Variants in RPP30 observed in about 807,000 individuals in gnomAD.
RPP30 encodes the protein ribonuclease P protein subunit p30.
A neutral mutation model predicts 38.6 loss-of-function variants in RPP30; 36 were observed. The ratio of observed to expected loss-of-function variants is 0.93; its 90% CI spans 0.71 to 1.23. RPP30 has a LOEUF of 1.23. RPP30 is among the 50% of genes most tolerant of loss of function. RPP30 has a pLI of 0.00. For missense variants in RPP30, 321 were observed against 321.7 expected, an observed-to-expected ratio of 1.00 and a Z score of 0.02; for synonymous variants, 126 against 112.7, an observed-to-expected ratio of 1.12 and a Z score of -0.75.
chr10:90,879,224 A>G, intron 5 of RPP30, 90 bp downstream of exon 5: 2 of 981,572 alleles, frequency 2.0e-6, no homozygotes, highest in South Asian at 3.0e-5. Context: ...GTTTTGACTC[A>G]TCTGGAAACT....
chr10:90,891,252 A>C (rs1847078487), intron 6 of RPP30, among the ~76,000 whole-genome samples: 1 of 152,096 alleles, frequency 6.6e-6, no homozygotes, highest in Non-Finnish European at 1.5e-5. Context: ...TTTTCTGGCA[A>C]TCTTTGGTAA....
At chr10:90,884,740 T>G (rs1485706888) in intron 5 of RPP30, among the ~76,000 whole-genome samples, 2 of 152,168 alleles carry the variant, frequency 1.3e-5, no homozygotes, top group Non-Finnish European at 2.9e-5. Flanking sequence ...AGATACGGTA[T>G]TCCTGTCATT....
At position 90,900,639 on chromosome 10, in the gene RPP30, A is replaced by T. The variant is rs777173529; in HGVS notation, c.767A>T (p.Asp256Val). Residue 256 changes from aspartate (D) to valine (V), a missense_variant, in exon 11 of 11, where the codon GAT becomes GTT. Asp to Val is a radical substitution (Grantham distance 152). Transcript: ENST00000371703. ...KKPRPSEGDE[D>V]CLPASKKAKC... ...CCTCGGCCATCAGAAGGAGATGAAG[A>T]TTGTCTTCCAGCTTCCAAGAAAGCC... 1 of 1,613,698 alleles carries T rather than the reference A, an allele frequency of 6.2e-7. No homozygotes were observed. The highest frequency in any genetic ancestry group is 8.5e-7 in the Non-Finnish European group (1 of 1,179,794).
intron 6 of RPP30, among the ~76,000 whole-genome samples, chr10:90,892,147 T>C (rs564862386): frequency 6.6e-6 from 1 of 152,226 alleles, no homozygotes; most frequent in African/African-American, 2.4e-5. Context: ...AATGTGATCA[T>C]CCACCCATGC....
intron 7 of RPP30, 33 bp downstream of exon 7, chr10:90,894,924 A>T (rs1847123012): frequency 7.0e-7 from 1 of 1,423,652 alleles, no homozygotes; most frequent in Non-Finnish European, 9.9e-7. Flanking sequence ...TGTTTTTCGC[A>T]TCTGGCAGTT....
chr10:90,894,252 C>T (rs940366099), intron 6 of RPP30, among the ~76,000 whole-genome samples: 2 of 152,192 alleles, frequency 1.3e-5, no homozygotes, highest in African/African-American at 4.8e-5. Flanking sequence ...ATAGTCAGCA[C>T]TCAATTAACT....
At chr10:90,898,108 T>G (rs1847164015) in intron 10 of RPP30, among the ~76,000 whole-genome samples, 1 of 152,146 alleles carries the variant, frequency 6.6e-6, no homozygotes, top group Non-Finnish European at 1.5e-5. Flanking sequence ...CTGGTAACCA[T>G]CCTTCTACTT....
rs1485863968 is a variant in RPP30 at position 90,901,789 on chromosome 10, A to G, written c.*1110A>G. 1 of 984,828 alleles carries G rather than the reference A, an allele frequency of 1.0e-6. No individual in the cohort carries two copies. Among genetic ancestry groups the G allele is most frequent in the Non-Finnish European group, 1.2e-6 (1 of 829,494 alleles). 61.0% of individuals were successfully genotyped at this position (984,828 alleles called of 1,614,324 possible). ...TAAGAAATTTTTTTAAGCAAGAGAA[A>G]GACAACTGTTCTGCGGGTTGGAGAA... On this transcript the variant is annotated 3_prime_UTR_variant, in exon 11 of 11. Coordinates refer to ENST00000371703, the MANE Select transcript of RPP30 (RefSeq NM_006413.5).
At chr10:90,884,317 T>G (rs1025857525) in intron 5 of RPP30, among the ~76,000 whole-genome samples, 5 of 152,244 alleles carry the variant, frequency 3.3e-5, no homozygotes, top group Non-Finnish European at 5.9e-5. Context: ...ATTTAAAATT[T>G]TGGTAGCCAT....
chr10:90,894,864 CA>C lies in RPP30; in HGVS notation c.524del (p.Asn175IlefsTer2), dbSNP rs762675511. ...GAAGGTATACAATTTCCAGTGCCCTCAATTTGATGCAAATCTGCAAAGGAAA... is the reference window on the plus strand; with the variant it reads ...GAAGGTATACAATTTCCAGTGCCCTCATTTGATGCAAATCTGCAAAGGAAA... ...MRRYTISSAL[N>X]LMQICKGKNV... On this transcript the variant is annotated frameshift_variant, in exon 7 of 11. Transcript: ENST00000371703. LOFTEE classifies it high-confidence loss of function. 1.2e-6 allele frequency: 2 copies of C among 1,611,004 alleles called. No individual in the cohort carries two copies. Among genetic ancestry groups the C allele is most frequent in the South Asian group, 2.2e-5 (2 of 91,016 alleles).
At chr10:90,872,157 C>T (rs1233572774) in intron 1 of RPP30, 89 bp downstream of exon 1, 3 of 1,103,096 alleles carry the variant, frequency 2.7e-6, no homozygotes, top group African/African-American at 3.1e-5. Context: ...TGATGGGTCT[C>T]GGTCAGGTCT....
In RPP30 at chr10:90,873,328, GTTAT is replaced by G. The variant is rs1267616470; in HGVS notation, c.82+1263_82+1266del. Among the ~76,000 whole-genome samples the G allele has an allele frequency of 2.0e-5, 3 of 152,260 alleles. No homozygotes were observed. In the East Asian group the frequency reaches 5.8e-4, roughly 29 times the overall value. On this transcript the variant is annotated intron_variant, in intron 1 of 10. Coordinates refer to ENST00000371703, the MANE Select transcript of RPP30 (RefSeq NM_006413.5). Reference sequence around the variant, plus strand: ...TGGTAATATATGTACATTGTTAGTGGTTATTTGTTTGTAAATTAAATGGAATTCA... The same window carrying G: ...TGGTAATATATGTACATTGTTAGTGGTTGTTTGTAAATTAAATGGAATTCA...
downstream of RPP30, chr10:90,905,707 G>A (rs1236364891): frequency 6.6e-6 from 1 of 152,250 alleles, no homozygotes; most frequent in African/African-American, 2.4e-5. Context: ...AATATATCTG[G>A]CTGATCAGGT....
At chr10:90,895,423 A>G (rs767617502) in intron 7 of RPP30, 31 bp from the exon 8 acceptor site, 26 of 1,234,288 alleles carry the variant, frequency 2.1e-5, no homozygotes, top group Non-Finnish European at 2.7e-5. Context: ...CATTTATCTA[A>G]GATTAATATT....
chr10:90,893,488 G>A (rs1847105969), intron 6 of RPP30, among the ~76,000 whole-genome samples: 1 of 152,176 alleles, frequency 6.6e-6, no homozygotes, highest in Non-Finnish European at 1.5e-5. Context: ...TTGAGAGTCT[G>A]ATTATCATCT....
Position 90,901,503 on chromosome 10 carries a change from C to A in RPP30, c.*824C>A, listed in dbSNP as rs1318434038. 1 of 985,016 alleles carries A rather than the reference C, an allele frequency of 1.0e-6. No homozygotes were observed. The allele number at this position is 985,016 out of a possible 1,614,324, so 61.0% of individuals were successfully genotyped here. On this transcript the variant is annotated 3_prime_UTR_variant, in exon 11 of 11. Transcript: ENST00000371703. ...ATGTAAAATTACATCTGGTCTCTTC[C>A]TTCACTGCTTCATGCCTACGTAAGG...
intron 1 of RPP30, among the ~76,000 whole-genome samples, chr10:90,872,804 C>T (rs1411452202): frequency 6.6e-6 from 1 of 152,156 alleles, no homozygotes; most frequent in Non-Finnish European, 1.5e-5. Flanking sequence ...AGAGGTGGTG[C>T]TAGAAATGAC....
chr10:90,885,542 G>A (rs1012651447), intron 5 of RPP30, among the ~76,000 whole-genome samples: 26 of 152,202 alleles, frequency 1.7e-4, no homozygotes, highest in African/African-American at 5.3e-4. Context: ...TTATGTAGAA[G>A]ACCATATGAG....
intron 6 of RPP30, among the ~76,000 whole-genome samples, chr10:90,887,159 G>A (rs1411327158): frequency 2.6e-5 from 4 of 151,586 alleles, no homozygotes; most frequent in Admixed American, 2.6e-4. Context: ...GTAAAGTTGA[G>A]GTCTCACCAT....
Sources: gnomAD v4.1 joint callset for allele counts (sites outside exome capture counted in the v4.1 genomes callset) on GRCh38, gnomAD v4.1.1 for gene constraint, MANE v1.5 for transcripts, NCBI Gene and HGNC (gene_info 2026-07-23, HGNC 2026-07-21) for gene names.